Variants in SAMD5 observed in about 807,000 individuals in gnomAD.
The protein encoded by SAMD5 is sterile alpha motif domain-containing protein 5.
Under a neutral mutation model 11.3 loss-of-function variants are expected in SAMD5, and 13 were observed. That is an observed-to-expected ratio of 1.15 (90% CI 0.75 to 1.83). SAMD5 has a LOEUF of 1.83. SAMD5 is among the 40% of genes most tolerant of loss of function. SAMD5 has a pLI of 0.00. For missense variants in SAMD5, 255 were observed against 239.1 expected, an observed-to-expected ratio of 1.07 and a Z score of -0.44; for synonymous variants, 129 against 111.3, an observed-to-expected ratio of 1.16 and a Z score of -1.00.
intron 1 of SAMD5, among the ~76,000 whole-genome samples, chr6:147,547,505 C>T (rs1788705187): frequency 6.6e-6 from 1 of 152,174 alleles, no homozygotes; most frequent in African/African-American, 2.4e-5. Context: ...GCTGCCCTCA[C>T]TTCTTTTCAT....
chr6:147,645,386 C>T (rs1467185286), intron 1 of SAMD5, among the ~76,000 whole-genome samples: 2 of 152,176 alleles, frequency 1.3e-5, no homozygotes, highest in South Asian at 4.1e-4. Flanking sequence ...AAGCTCATTT[C>T]TCTAAGCCCA....
At chr6:147,782,270 C>A in the SAMD5 span, among the ~76,000 whole-genome samples, 14 of 152,122 alleles carry the variant, frequency 9.2e-5, no homozygotes, top group African/African-American at 3.1e-4. Flanking sequence ...GAGAATATGA[C>A]AAAGCTCCAA....
the SAMD5 span, among the ~76,000 whole-genome samples, chr6:147,872,054 GCAA>G: frequency 6.6e-6 from 1 of 152,150 alleles, no homozygotes; most frequent in Admixed American, 6.6e-5. Context: ...TCTCCAGTTT[GCAA>G]CAACGTTATT....
chr6:147,708,235 C>T (rs1791350625), intron 1 of SAMD5, among the ~76,000 whole-genome samples: 1 of 152,140 alleles, frequency 6.6e-6, no homozygotes, highest in Non-Finnish European at 1.5e-5. Context: ...GACATTTAGA[C>T]ACAAACATAG....
chr6:147,589,402 C>A (rs1789422572), intron 1 of SAMD5, among the ~76,000 whole-genome samples: 1 of 152,206 alleles, frequency 6.6e-6, no homozygotes, highest in African/African-American at 2.4e-5. Context: ...ACAGACCAAT[C>A]CTGTCTTTCT....
At chr6:147,687,466 G>A (rs1003000618) in intron 1 of SAMD5, among the ~76,000 whole-genome samples, 39 of 151,312 alleles carry the variant, frequency 2.6e-4, no homozygotes, top group African/African-American at 9.0e-4. Flanking sequence ...TTGAAGAGAT[G>A]GGATTTTGCA....
At chr6:147,908,463 G>T in the SAMD5 span, among the ~76,000 whole-genome samples, 4 of 152,100 alleles carry the variant, frequency 2.6e-5, no homozygotes, top group Non-Finnish European at 4.4e-5. Flanking sequence ...TCTTCCATTG[G>T]CAAGACTCAA....
intron 1 of SAMD5, among the ~76,000 whole-genome samples, chr6:147,530,068 C>T (rs1305104684): frequency 6.6e-6 from 1 of 151,986 alleles, no homozygotes; most frequent in Admixed American, 6.6e-5. Flanking sequence ...ATGTTTTTAC[C>T]ATATATGGGG....
chr6:147,595,008 C>A (rs554586265), intron 1 of SAMD5, among the ~76,000 whole-genome samples: 2 of 152,280 alleles, frequency 1.3e-5, no homozygotes, highest in East Asian at 3.9e-4. Context: ...TATAACTTAT[C>A]CTACTTGACT....
chr6:147,662,469 T>G (rs1583129429), intron 1 of SAMD5, among the ~76,000 whole-genome samples: 2 of 152,364 alleles, frequency 1.3e-5, no homozygotes, highest in South Asian at 4.1e-4. Flanking sequence ...GATTTCCATT[T>G]CAATATGTAA....
At chr6:147,899,930 C>A in the SAMD5 span, among the ~76,000 whole-genome samples, 9 of 152,250 alleles carry the variant, frequency 5.9e-5, no homozygotes, top group Admixed American at 5.9e-4. Context: ...GAGAGACTGT[C>A]CAGCTCCAGG....
the SAMD5 span, among the ~76,000 whole-genome samples, chr6:147,940,654 C>A: frequency 9.2e-5 from 14 of 152,204 alleles, no homozygotes; most frequent in African/African-American, 3.4e-4. Flanking sequence ...TGGTCAAAGG[C>A]AAATTATGGT....
chr6:147,545,744 A>G (rs1182566857), intron 1 of SAMD5, among the ~76,000 whole-genome samples: 3 of 152,214 alleles, frequency 2.0e-5, no homozygotes, highest in Admixed American at 6.5e-5. Context: ...GTGTGTATAT[A>G]TAAAACACAG....
At chr6:147,527,520 A>T (rs1356154001) in intron 1 of SAMD5, among the ~76,000 whole-genome samples, 1 of 152,172 alleles carries the variant, frequency 6.6e-6, no homozygotes, top group African/African-American at 2.4e-5. Context: ...AGCACTGGGG[A>T]TTACAATTCA....
intron 1 of SAMD5, among the ~76,000 whole-genome samples, chr6:147,662,405 T>C (rs757249536): frequency 4.1e-4 from 62 of 152,188 alleles, no homozygotes; most frequent in Admixed American, 9.2e-4. Flanking sequence ...CTGGTTTGTT[T>C]TAAAAATGGA....
chr6:147,613,446 A>G (rs1356948896), intron 1 of SAMD5, among the ~76,000 whole-genome samples: 1 of 151,928 alleles, frequency 6.6e-6, no homozygotes, highest in Non-Finnish European at 1.5e-5. Flanking sequence ...GCTCAGAGAC[A>G]GGGATTATTC....
At chr6:147,835,240 A>AAAAAC in the SAMD5 span, among the ~76,000 whole-genome samples, 1 of 150,762 alleles carries the variant, frequency 6.6e-6, no homozygotes, top group African/African-American at 2.5e-5. Flanking sequence ...CTTAAAAAAA[A>AAAAAC]AAAAAACAAA....
At chr6:147,876,491 A>C in the SAMD5 span, among the ~76,000 whole-genome samples, 5 of 152,230 alleles carry the variant, frequency 3.3e-5, no homozygotes, top group Non-Finnish European at 5.9e-5. Context: ...TTCTCAGTTC[A>C]CTAAAGGCTG....
chr6:147,877,654 C>G, the SAMD5 span, among the ~76,000 whole-genome samples: 1 of 151,946 alleles, frequency 6.6e-6, no homozygotes, highest in Admixed American at 6.6e-5. Context: ...GCAGATTACT[C>G]TCCATCATGT....
Sources: gnomAD v4.1 joint callset for allele counts (sites outside exome capture counted in the v4.1 genomes callset) on GRCh38, gnomAD v4.1.1 for gene constraint, MANE v1.5 for transcripts, NCBI Gene and HGNC (gene_info 2026-07-23, HGNC 2026-07-21) for gene names.